The following XKR9 variants were observed in gnomAD, a reference collection of about 807,000 sequenced individuals.
XKR9 encodes the protein XK-related protein 9.
In XKR9, 32 loss-of-function variants were observed where a neutral mutation model predicts 32.0. That is an observed-to-expected ratio of 1.00 (90% CI 0.76 to 1.34). The LOEUF (loss-of-function observed/expected upper bound fraction) is 1.34, where lower values mean the gene tolerates loss of function less well. XKR9 is among the 40% of genes most tolerant of loss of function. The pLI is 0.00. For missense variants in XKR9, 546 were observed against 429.7 expected (o/e 1.27, Z -2.39); for synonymous variants, 168 against 143.4 (o/e 1.17, Z -1.22).
chr8:70,721,816 G>A (rs1806291746), intron 4 of XKR9, among the ~76,000 whole-genome samples: 1 of 151,774 alleles, frequency 6.6e-6, no homozygotes, highest in Non-Finnish European at 1.5e-5. Flanking sequence ...TGTCTATTAG[G>A]TCCTCTTGGT....
chr8:70,801,393 A>G, the XKR9 span, among the ~76,000 whole-genome samples: 8 of 152,116 alleles, frequency 5.3e-5, no homozygotes, highest in Non-Finnish European at 1.0e-4. Context: ...GTTTCAAATA[A>G]TTTGTTTCTG....
At chr8:71,059,784 C>T in the XKR9 span, among the ~76,000 whole-genome samples, 8 of 152,192 alleles carry the variant, frequency 5.3e-5, no homozygotes, top group Non-Finnish European at 1.2e-4. Context: ...ACCCTTTTAC[C>T]TGGAGAGGGG....
chr8:70,903,338 G>A, the XKR9 span, among the ~76,000 whole-genome samples: 1 of 152,080 alleles, frequency 6.6e-6, no homozygotes, highest in Non-Finnish European at 1.5e-5. Flanking sequence ...GGCCTATTCA[G>A]GGATTCAACT....
chr8:70,824,772 A>C, the XKR9 span, among the ~76,000 whole-genome samples: 2 of 152,070 alleles, frequency 1.3e-5, no homozygotes, highest in Non-Finnish European at 2.9e-5. Context: ...CTATGATTAC[A>C]TGAAGCAAGC....
At chr8:70,989,734 A>C in the XKR9 span, among the ~76,000 whole-genome samples, 2 of 152,330 alleles carry the variant, frequency 1.3e-5, no homozygotes, top group African/African-American at 4.8e-5. Context: ...CAATTAAATG[A>C]CACTAATTAT....
chr8:71,026,144 C>T, the XKR9 span, among the ~76,000 whole-genome samples: 46 of 152,260 alleles, frequency 3.0e-4, no homozygotes, highest in East Asian at 6.4e-3. Flanking sequence ...TTTTCCATCT[C>T]CTTCCTAGTT....
the XKR9 span, among the ~76,000 whole-genome samples, chr8:71,001,725 G>C: frequency 6.7e-3 from 1,015 of 152,254 alleles, 13 homozygotes; most frequent in African/African-American, 0.023. Flanking sequence ...CCCTGACATG[G>C]TGGAACTTAA....
At chr8:70,885,660 G>C in the XKR9 span, among the ~76,000 whole-genome samples, 5 of 151,914 alleles carry the variant, frequency 3.3e-5, no homozygotes, top group East Asian at 9.7e-4. Context: ...GCAGTGGCGC[G>C]ATCTCAGCTC....
the XKR9 span, among the ~76,000 whole-genome samples, chr8:70,887,372 G>T: frequency 6.6e-6 from 1 of 151,806 alleles, no homozygotes; most frequent in Non-Finnish European, 1.5e-5. Flanking sequence ...CTCCAGCTTT[G>T]TTCTTTTTGC....
the XKR9 span, among the ~76,000 whole-genome samples, chr8:71,007,910 G>A: frequency 2.0e-5 from 3 of 152,062 alleles, no homozygotes; most frequent in Non-Finnish European, 4.4e-5. Flanking sequence ...AAGCAAAAAA[G>A]CATTTATTTA....
the XKR9 span, among the ~76,000 whole-genome samples, chr8:70,921,202 G>A: frequency 6.6e-5 from 10 of 152,218 alleles, no homozygotes; most frequent in African/African-American, 2.2e-4. Flanking sequence ...TGCTGAGATG[G>A]CTCCTTGCCA....
chr8:70,749,813 T>C (rs1807112604), intron 2 of XKR9, among the ~76,000 whole-genome samples: 1 of 152,242 alleles, frequency 6.6e-6, no homozygotes, highest in Non-Finnish European at 1.5e-5. Context: ...AGGGTATCAC[T>C]GTGACTATAA....
chr8:70,703,668 G>A (rs966419003), intron 3 of XKR9, among the ~76,000 whole-genome samples: 2 of 151,948 alleles, frequency 1.3e-5, no homozygotes, highest in African/African-American at 4.8e-5. Context: ...TCCTACTTTT[G>A]TTGCTCTTTT....
the XKR9 span, among the ~76,000 whole-genome samples, chr8:71,006,743 A>G: frequency 6.6e-6 from 1 of 152,192 alleles, no homozygotes; most frequent in Non-Finnish European, 1.5e-5. Flanking sequence ...ACTCAAATGT[A>G]TGATAAAAAA....
the XKR9 span, among the ~76,000 whole-genome samples, chr8:70,908,198 T>C: frequency 9.6e-6 from 1 of 104,528 alleles, no homozygotes; most frequent in Non-Finnish European, 2.3e-5. Flanking sequence ...ATTCATACTA[T>C]AGTAAACTTT....
At chr8:70,812,943 T>G in the XKR9 span, among the ~76,000 whole-genome samples, 1 of 152,190 alleles carries the variant, frequency 6.6e-6, no homozygotes, top group African/African-American at 2.4e-5. Context: ...AAAAAACTAC[T>G]TTAAATTTCA....
At chr8:70,714,838 A>C (rs1251933089) in intron 4 of XKR9, among the ~76,000 whole-genome samples, 1 of 152,190 alleles carries the variant, frequency 6.6e-6, no homozygotes, top group Non-Finnish European at 1.5e-5. Flanking sequence ...ATTAATGAAA[A>C]TCTCTGAATT....
chr8:70,775,643 C>T (rs1238410112), intron 2 of XKR9, among the ~76,000 whole-genome samples: 2 of 152,002 alleles, frequency 1.3e-5, no homozygotes, highest in African/African-American at 4.8e-5. Context: ...TTGAGAAAAC[C>T]ACACTTGGAC....
chr8:70,937,775 T>A, the XKR9 span, among the ~76,000 whole-genome samples: 2 of 152,102 alleles, frequency 1.3e-5, no homozygotes, highest in Non-Finnish European at 2.9e-5. Flanking sequence ...TCTTTCTGAC[T>A]ACATGTCCAG....
Sources: gnomAD v4.1 joint callset for allele counts (sites outside exome capture counted in the v4.1 genomes callset) on GRCh38, gnomAD v4.1.1 for gene constraint, MANE v1.5 for transcripts, NCBI Gene and HGNC (gene_info 2026-07-23, HGNC 2026-07-21) for gene names.